Variants in SLCO1C1 observed in about 807,000 individuals in gnomAD.
SLCO1C1 encodes the protein OAT-RP-5.
Under a neutral mutation model 76.4 loss-of-function variants are expected in SLCO1C1, and 70 were observed. The ratio of observed to expected loss-of-function variants is 0.92; its 90% confidence interval spans 0.76 to 1.12. The LOEUF is 1.12. Ranked by LOEUF, SLCO1C1 falls within the 50% of genes most tolerant of loss-of-function variation. The pLI is 0.00. For missense variants in SLCO1C1, 912 were observed against 823.8 expected (o/e 1.11, Z -1.31); for synonymous variants, 306 against 286.1 (o/e 1.07, Z -0.70).
intron 14 of SLCO1C1, among the ~76,000 whole-genome samples, chr12:20,751,691 G>C (rs1949316569): frequency 6.6e-6 from 1 of 152,118 alleles, no homozygotes; most frequent in Non-Finnish European, 1.5e-5. Context: ...CTCAATCAGA[G>C]ATTGAGAGTA....
chr12:20,733,663 C>A (rs1948401012), intron 10 of SLCO1C1, among the ~76,000 whole-genome samples: 1 of 152,192 alleles, frequency 6.6e-6, no homozygotes, highest in South Asian at 2.1e-4. Flanking sequence ...GTGCTTGAAT[C>A]ATGTAAAGTT....
chr12:20,737,349 C>T (rs774672031), intron 11 of SLCO1C1, 77 bp downstream of exon 11: 110 of 1,408,638 alleles, frequency 7.8e-5, no homozygotes, highest in Non-Finnish European at 1.0e-4. Flanking sequence ...GGGCTCACAG[C>T]AGACCACTAC....
At chr12:20,725,826 A>G (rs1947955109) in intron 9 of SLCO1C1, among the ~76,000 whole-genome samples, 1 of 151,848 alleles carries the variant, frequency 6.6e-6, no homozygotes, top group Admixed American at 6.6e-5. Context: ...AATTCTTTTC[A>G]CTGTAACCAT....
At position 20,703,955 on chromosome 12, in the gene SLCO1C1, CTGTGTGTG is replaced by C. The variant is rs146325219; in HGVS notation, c.272-1969_272-1962del. ...TTTTTTTCTGTTATCTCGAGTGTGT[CTGTGTGTG>C]TGTGTGTGTGTGTGTGTGTGTGTGC... is the stretch of plus-strand genomic sequence containing the variant. On this transcript the variant is annotated intron_variant, in intron 3 of 14. Transcript: ENST00000266509. 3.2e-4 allele frequency among the ~76,000 whole-genome samples: 45 copies of C among 140,370 alleles called. 1 individual carries two copies. The East Asian group carries it at 5.9e-3, about 18-fold the overall frequency. 92.1% of individuals were successfully genotyped at this position (140,370 alleles called of 152,430 possible). A position where few individuals can be genotyped will look rare whatever the true frequency, so the allele number is the denominator to read the frequency against.
In SLCO1C1 at chr12:20,717,203, T is replaced by C. The variant is rs901196453; in HGVS notation, c.748T>C (p.Tyr250His). ...FLLGSLCAKL[Y>H]VDIGFVNLDH... ...GTTAGGCTCATTATGTGCCAAACTA[T>C]ATGTTGACATTGGCTTTGTAAACCT... The change falls in exon 7 of 15, where the codon TAT (tyrosine) becomes CAT (histidine). Residue 250 changes from tyrosine to histidine, a missense_variant. Transcript: ENST00000266509. 5 of 1,591,480 alleles carry C rather than the reference T, an allele frequency of 3.1e-6. No homozygotes were observed. Among genetic ancestry groups the C allele is most frequent in the Non-Finnish European group, 4.3e-6 (5 of 1,173,598 alleles).
intron 9 of SLCO1C1, among the ~76,000 whole-genome samples, chr12:20,731,927 CAAT>C (rs1339431373): frequency 1.3e-5 from 2 of 152,100 alleles, no homozygotes; most frequent in Non-Finnish European, 2.9e-5. Context: ...TTAGTTACCT[CAAT>C]AATGCTATTA....
intron 1 of SLCO1C1, among the ~76,000 whole-genome samples, chr12:20,698,643 T>C (rs916566651): frequency 1.3e-5 from 2 of 152,078 alleles, no homozygotes; most frequent in Non-Finnish European, 2.9e-5. Context: ...ATTATTCCTT[T>C]AGGAATAACA....
intron 12 of SLCO1C1, among the ~76,000 whole-genome samples, chr12:20,741,915 T>A (rs943430776): frequency 7.9e-5 from 12 of 152,336 alleles, no homozygotes; most frequent in African/African-American, 2.9e-4. Context: ...TTAATTCTTA[T>A]ATTCAAGGAT....
intron 9 of SLCO1C1, 114 bp from the exon 10 acceptor site, chr12:20,732,795 A>T: frequency 9.4e-7 from 1 of 1,065,174 alleles, no homozygotes; most frequent in Non-Finnish European, 1.3e-6. Context: ...TCAGTAGATG[A>T]TAGTGACTAT....
rs1270829235 is a variant in SLCO1C1, at chr12:20,706,092, A to C, written c.404+11A>C. 1 of 1,599,098 alleles carries C rather than the reference A, an allele frequency of 6.3e-7. No individual in the cohort carries two copies. The highest frequency in any genetic ancestry group is 1.7e-5 in the Admixed American group (1 of 57,816). On this transcript the variant is annotated intron_variant, in intron 4 of 14. Coordinates refer to ENST00000266509, the MANE Select transcript of SLCO1C1 (RefSeq NM_017435.5). ...GTTCTTCATGGAGCAGTAAGTCTAA[A>C]GCAATCATCTTTTCCTTGCCTTTCC...
At chr12:20,732,830 A>G (rs1489815737) in intron 9 of SLCO1C1, 79 bp from the exon 10 acceptor site, 15 of 1,430,836 alleles carry the variant, frequency 1.0e-5, no homozygotes, top group African/African-American at 1.4e-5. Flanking sequence ...GTGACAAAAT[A>G]GTCTTTAGAA....
intron 7 of SLCO1C1, among the ~76,000 whole-genome samples, chr12:20,718,019 G>C (rs1947469784): frequency 6.6e-6 from 1 of 152,050 alleles, no homozygotes; most frequent in African/African-American, 2.4e-5. Flanking sequence ...TACAAGTGAA[G>C]CTTCAAAAAT....
At chr12:20,700,850 G>A (rs933818358) in intron 2 of SLCO1C1, among the ~76,000 whole-genome samples, 1 of 151,988 alleles carries the variant, frequency 6.6e-6, no homozygotes, top group Non-Finnish European at 1.5e-5. Context: ...AATAATAGTT[G>A]CACTTTTTCA....
rs778476781 is a variant in SLCO1C1, at chr12:20,737,217, A to G, written c.1493A>G (p.Tyr498Cys). Residue 498 changes from tyrosine to cysteine, a missense_variant, in exon 11 of 15, where the codon TAT becomes TGT. Tyr to Cys is a radical substitution (Grantham distance 194). Transcript: ENST00000266509. ...ATGTGCGGTGAAAATGGAATCACAT[A>G]TGTATCAGCTTGTCTTGCTGGTTGT... ...EPMCGENGIT[Y>C]VSACLAGCQT... 18 of 1,573,082 alleles carry G rather than the reference A, an allele frequency of 1.1e-5. No individual in the cohort carries two copies. The highest frequency in any genetic ancestry group is 1.5e-5 in the Non-Finnish European group (17 of 1,166,298).
intron 4 of SLCO1C1, among the ~76,000 whole-genome samples, chr12:20,706,287 A>T (rs1444028334): frequency 1.3e-5 from 2 of 152,150 alleles, no homozygotes. Flanking sequence ...ATTACTGTAT[A>T]TTGATATCAA....
At chr12:20,703,946 C>T (rs1037216038) in intron 3 of SLCO1C1, among the ~76,000 whole-genome samples, 16 of 116,604 alleles carry the variant, frequency 1.4e-4, no homozygotes, top group South Asian at 3.0e-4. Flanking sequence ...TCTGTTATCT[C>T]GAGTGTGTCT....
chr12:20,711,505 G>T lies in SLCO1C1; in HGVS notation c.524G>T (p.Ser175Ile). Residue 175 changes from serine (S) to isoleucine (I), a missense_variant, in exon 5 of 15, where the codon AGT becomes ATT. Physicochemically the swap from Ser to Ile is moderately radical, Grantham distance 142. Coordinates refer to ENST00000266509, the MANE Select transcript of SLCO1C1 (RefSeq NM_017435.5). ...SVMEKSKSKI[S>I]NECEVDTSSS... ...ATGGAAAAATCAAAATCCAAAATAA[G>T]TAACGGTAAGATCATTTTTTTGACT... 4.3e-6 allele frequency: 7 copies of T among 1,613,042 alleles called. No homozygotes were observed. The highest frequency in any genetic ancestry group is 5.9e-6 in the Non-Finnish European group (7 of 1,179,556).
chr12:20,706,180 G>T (rs1193453149), intron 4 of SLCO1C1, 99 bp downstream of exon 4: 2 of 1,376,512 alleles, frequency 1.5e-6, no homozygotes, highest in Non-Finnish European at 1.9e-6. Context: ...CTTAACCCAT[G>T]ATAACTTTGT....
intron 11 of SLCO1C1, among the ~76,000 whole-genome samples, chr12:20,739,625 G>T (rs544927189): frequency 1.2e-4 from 19 of 152,280 alleles, no homozygotes; most frequent in African/African-American, 4.3e-4. Flanking sequence ...CAGAAGAAGA[G>T]AGGGAAGATC....
Sources: allele counts gnomAD v4.1 joint callset (sites outside exome capture counted in the v4.1 genomes callset), GRCh38; gene constraint gnomAD v4.1.1; transcripts MANE v1.5; gene names NCBI Gene and HGNC (gene_info 2026-07-23, HGNC 2026-07-21).